Variants in DAB1 observed in about 807,000 individuals in gnomAD.
DAB1 encodes disabled homolog 1.
Under a neutral mutation model 64.6 loss-of-function variants are expected in DAB1, and 15 were observed. That is an observed-to-expected ratio of 0.23 (90% CI 0.16 to 0.36). DAB1 has a LOEUF of 0.36. Among genes scored for constraint, DAB1 ranks in the 10% least tolerant of loss-of-function variants. The probability of loss-of-function intolerance (pLI) is 1.00; values close to 1 mark genes in which losing one functional copy is unlikely to be tolerated. For synonymous variants in DAB1, 235 were observed against 251.9 expected, an observed-to-expected ratio of 0.93 and a Z score of 0.64; for missense variants, 596 against 706.7, an observed-to-expected ratio of 0.84 and a Z score of 1.78.
intron 7 of DAB1, among the ~76,000 whole-genome samples, chr1:57,499,821 A>T (rs989390429): frequency 1.3e-5 from 2 of 152,188 alleles, no homozygotes; most frequent in African/African-American, 4.8e-5. Flanking sequence ...TGAATTTGTT[A>T]TGCTTACCTG....
chr1:58,313,505 C>T (rs1217754759), intron 4 of DAB1, among the ~76,000 whole-genome samples: 1 of 152,136 alleles, frequency 6.6e-6, no homozygotes, highest in Non-Finnish European at 1.5e-5. Context: ...TCTCTCCCCA[C>T]CATTGGCTGA....
chr1:57,564,943 G>A (rs539263507), intron 7 of DAB1, among the ~76,000 whole-genome samples: 5 of 152,178 alleles, frequency 3.3e-5, no homozygotes, highest in South Asian at 2.1e-4. Context: ...GATACTCCTC[G>A]AGAAGAGCAA....
chr1:57,822,030 G>T (rs1468087137), downstream of DAB1, among the ~76,000 whole-genome samples: 2 of 152,196 alleles, frequency 1.3e-5, no homozygotes, highest in African/African-American at 4.8e-5. Context: ...AGCCCACTAG[G>T]CTGCAGGCTT....
chr1:57,499,420 G>A lies in DAB1; in HGVS notation n.625+150172C>T, dbSNP rs776261172. 5.9e-5 allele frequency among the ~76,000 whole-genome samples: 9 copies of A among 152,292 alleles called. No homozygotes were observed. The South Asian group carries it at 6.2e-4, about 11-fold the overall frequency. On this transcript the variant is annotated intron_variant and non_coding_transcript_variant, in intron 7 of 20. Transcript: ENST00000485760. ...AGGAGCTGGGAGTTTGAGGAAAATG[G>A]ACAAAATTAGATATATTTATCGCAC...
upstream of DAB1, among the ~76,000 whole-genome samples, chr1:57,886,282 T>TG (rs1644221013): frequency 6.6e-6 from 1 of 151,828 alleles, no homozygotes; most frequent in African/African-American, 2.4e-5. Context: ...CCTCAGCCTC[T>TG]GGAGTACCTG....
At chr1:57,473,938 C>T (rs908865548) in intron 7 of DAB1, among the ~76,000 whole-genome samples, 67 of 152,158 alleles carry the variant, frequency 4.4e-4, no homozygotes, top group African/African-American at 1.6e-3. Context: ...AGTTTCTATT[C>T]TCAAGAAATG....
chr1:57,828,154 C>T (rs1236023056), intron 1 of DAB1, among the ~76,000 whole-genome samples: 1 of 151,986 alleles, frequency 6.6e-6, no homozygotes, highest in African/African-American at 2.4e-5. Context: ...ACCATGTTAG[C>T]CAGGATGGTC....
chr1:58,018,040 T>C (rs533016498), intron 5 of DAB1, among the ~76,000 whole-genome samples: 3 of 152,126 alleles, frequency 2.0e-5, no homozygotes, highest in South Asian at 2.1e-4. Context: ...ATAAAGTAAA[T>C]AGAATTCAAA....
At chr1:57,731,608 C>A (rs533213045) in intron 6 of DAB1, among the ~76,000 whole-genome samples, 22 of 152,144 alleles carry the variant, frequency 1.4e-4, no homozygotes, top group South Asian at 2.1e-4. Flanking sequence ...AGTTCGAGAC[C>A]AGCCTGGCCA....
chr1:57,772,306 T>C (rs1367382513), intron 6 of DAB1, among the ~76,000 whole-genome samples: 3 of 152,146 alleles, frequency 2.0e-5, no homozygotes, highest in Non-Finnish European at 4.4e-5. Flanking sequence ...TTGTGAGAAA[T>C]AAATTTCTGT....
intron 5 of DAB1, among the ~76,000 whole-genome samples, chr1:57,944,532 T>TG (rs1645155973): frequency 6.6e-6 from 1 of 152,174 alleles, no homozygotes; most frequent in Non-Finnish European, 1.5e-5. Flanking sequence ...ATCCATAACT[T>TG]GCTCTTTGGG....
At chr1:57,760,603 C>A (rs1323458534) in intron 6 of DAB1, among the ~76,000 whole-genome samples, 2 of 111,210 alleles carry the variant, frequency 1.8e-5, no homozygotes, top group African/African-American at 7.8e-5. Flanking sequence ...CAACTTCTTT[C>A]TCTCTCTCTC....
intron 3 of DAB1, among the ~76,000 whole-genome samples, chr1:58,501,050 G>C (rs1055483207): frequency 3.3e-5 from 5 of 152,100 alleles, no homozygotes; most frequent in Non-Finnish European, 4.4e-5. Flanking sequence ...CACCCAAGTT[G>C]TTATGATAAC....
chr1:58,184,584 T>C (rs1444601909), intron 4 of DAB1, among the ~76,000 whole-genome samples: 3 of 152,108 alleles, frequency 2.0e-5, no homozygotes, highest in Non-Finnish European at 4.4e-5. Flanking sequence ...TGAAATGCAG[T>C]AGAATCAGCT....
At chr1:57,480,751 T>A (rs1360273878) in intron 7 of DAB1, among the ~76,000 whole-genome samples, 4 of 152,128 alleles carry the variant, frequency 2.6e-5, no homozygotes, top group Non-Finnish European at 4.4e-5. Context: ...TCACAAAGTG[T>A]TGCGATTATA....
chr1:57,318,092 C>T (rs931227025), intron 1 of DAB1, among the ~76,000 whole-genome samples: 10 of 149,224 alleles, frequency 6.7e-5, no homozygotes, highest in African/African-American at 9.9e-5. Context: ...ATCTACAAAT[C>T]GCACACAGCA....
At chr1:57,034,194 C>T (rs958808432) in intron 9 of DAB1, among the ~76,000 whole-genome samples, 1 of 151,060 alleles carries the variant, frequency 6.6e-6, no homozygotes, top group Non-Finnish European at 1.5e-5. Context: ...GCAGGAGAAT[C>T]ACTTGAATCC....
chr1:57,104,946 T>C (rs1279422758), intron 4 of DAB1, among the ~76,000 whole-genome samples: 1 of 152,120 alleles, frequency 6.6e-6, no homozygotes, highest in African/African-American at 2.4e-5. Context: ...GCCTGAGTAA[T>C]ATCTGCCCTT....
chr1:57,049,498 C>T (rs1375406492), intron 9 of DAB1, among the ~76,000 whole-genome samples: 2 of 127,510 alleles, frequency 1.6e-5, no homozygotes, highest in East Asian at 4.6e-4. Context: ...ACGGAAATTC[C>T]CATGCATGTA....
Sources: gnomAD v4.1 joint callset for allele counts (sites outside exome capture counted in the v4.1 genomes callset) on GRCh38, gnomAD v4.1.1 for gene constraint, MANE v1.5 for transcripts, NCBI Gene and HGNC (gene_info 2026-07-23, HGNC 2026-07-21) for gene names.